PCDHA10: variants seen among roughly 807,000 people sequenced by gnomAD.
PCDHA10 encodes protocadherin alpha 10.
Under a neutral mutation model 61.2 loss-of-function variants are expected in PCDHA10, and 45 were observed. The observed-to-expected ratio is 0.74, with a 90% CI of 0.58 to 0.94. PCDHA10 has a LOEUF of 0.94. PCDHA10 is among the 40% of genes least tolerant of loss of function. PCDHA10 has a pLI of 0.00. For synonymous variants in PCDHA10, 602 were observed against 548.8 expected (o/e 1.10, Z -1.35); for missense variants, 1,278 against 1,236.2 (o/e 1.03, Z -0.51).
At chr5:141,002,948 C>A (rs2098104348) in intron 3 of PCDHA10, among the ~76,000 whole-genome samples, 1 of 152,152 alleles carries the variant, frequency 6.6e-6, no homozygotes, top group African/African-American at 2.4e-5. Flanking sequence ...CAGCACATGC[C>A]CCTCTGAGAG....
chr5:140,927,040 A>T (rs1554203950), intron 1 of PCDHA10: 1 of 1,612,350 alleles, frequency 6.2e-7, no homozygotes, highest in Non-Finnish European at 8.5e-7. Flanking sequence ...AGCGGCCGCT[A>T]TGTCCTCGCG....
chr5:140,886,603 G>A lies in PCDHA10; in HGVS notation c.2388+28167G>A, dbSNP rs781862855. Among the ~76,000 whole-genome samples, 8 of 152,090 alleles carry A rather than the reference G, an allele frequency of 5.3e-5. No individual in the cohort carries two copies. The East Asian group carries it at 1.2e-3, about 22-fold the overall frequency. ...AGCACTTTGGGAGGCCAAGGTGGGCGGATCAGGAGATCAGGAGTCCGAGAC... is the reference window on the plus strand; with the variant it reads ...AGCACTTTGGGAGGCCAAGGTGGGCAGATCAGGAGATCAGGAGTCCGAGAC... On this transcript the variant is annotated intron_variant, in intron 1 of 3. Coordinates refer to ENST00000307360, the MANE Select transcript of PCDHA10 (RefSeq NM_018901.4).
intron 1 of PCDHA10, chr5:140,927,289 A>G: frequency 6.2e-7 from 1 of 1,614,172 alleles, no homozygotes; most frequent in Non-Finnish European, 8.5e-7. Flanking sequence ...GCAGCTGCAC[A>G]TCCCCGAGTT....
chr5:140,896,391 A>G (rs1438393041), intron 1 of PCDHA10, among the ~76,000 whole-genome samples: 2 of 152,040 alleles, frequency 1.3e-5, no homozygotes, highest in Non-Finnish European at 2.9e-5. Context: ...CCTCACCAGC[A>G]TCTGTTATTT....
chr5:140,909,011 T>G (rs998704146), intron 1 of PCDHA10, among the ~76,000 whole-genome samples: 1 of 152,170 alleles, frequency 6.6e-6, no homozygotes, highest in Non-Finnish European at 1.5e-5. Flanking sequence ...AGGTAGAAGG[T>G]TCCTGAATTT....
chr5:140,957,879 G>T (rs2095393633), intron 1 of PCDHA10, among the ~76,000 whole-genome samples: 1 of 151,960 alleles, frequency 6.6e-6, no homozygotes, highest in Non-Finnish European at 1.5e-5. Flanking sequence ...GTGCTGAAAA[G>T]CTGAAGTTGG....
chr5:140,872,164 TC>T (rs1346109895), intron 1 of PCDHA10, among the ~76,000 whole-genome samples: 1 of 151,498 alleles, frequency 6.6e-6, no homozygotes, highest in Non-Finnish European at 1.5e-5. Context: ...GATTTACTTT[TC>T]TTTTTTTTTT....
chr5:141,007,275 T>C (rs1418814264), intron 3 of PCDHA10, among the ~76,000 whole-genome samples: 2 of 151,338 alleles, frequency 1.3e-5, no homozygotes, highest in Non-Finnish European at 2.9e-5. Context: ...ACAGGCTGGG[T>C]GCAGTGGGCT....
intron 1 of PCDHA10, chr5:140,875,523 G>A (rs782796444): frequency 6.2e-7 from 1 of 1,613,992 alleles, no homozygotes; most frequent in South Asian, 1.1e-5. Flanking sequence ...TGCTGCTCTC[G>A]CTTCTGCTCC....
chr5:140,856,897 G>C lies in PCDHA10; in HGVS notation c.849G>C (p.Leu283Phe). Residue 283 changes from leucine to phenylalanine, a missense_variant, in exon 1 of 4, where the codon TTG (leucine) becomes TTC (phenylalanine). Physicochemically the swap from Leu to Phe is conservative, Grantham distance 22. Coordinates refer to ENST00000307360, the MANE Select transcript of PCDHA10 (RefSeq NM_018901.4). The part of the protein sequence containing the change: ...NKEMMYSFSS[L>F]VPPTIRRKFW... ...AAATGATGTATTCATTTAGCTCTTT[G>C]GTCCCACCCACGATAAGAAGGAAAT... The C allele has an allele frequency of 6.3e-7, 1 of 1,596,350 alleles. No homozygotes were observed. Among genetic ancestry groups the C allele is most frequent in the Non-Finnish European group, 8.6e-7 (1 of 1,166,202 alleles).
chr5:140,917,359 A>G (rs2078164580), intron 1 of PCDHA10, among the ~76,000 whole-genome samples: 3 of 142,606 alleles, frequency 2.1e-5, no homozygotes, highest in South Asian at 2.2e-4. Flanking sequence ...CTTCTGTTCC[A>G]CTATCTTGCT....
intron 1 of PCDHA10, among the ~76,000 whole-genome samples, chr5:140,921,909 CATG>C (rs1554200522): frequency 6.6e-6 from 1 of 151,678 alleles, no homozygotes; most frequent in Non-Finnish European, 1.5e-5. Context: ...ATATATATTA[CATG>C]ATAAAACTTA....
chr5:140,970,625 A>C (rs534910839), intron 1 of PCDHA10, among the ~76,000 whole-genome samples: 1 of 152,316 alleles, frequency 6.6e-6, no homozygotes, highest in Non-Finnish European at 1.5e-5. Context: ...CAAAAGCCAA[A>C]ATTTTGTACC....
chr5:140,869,288 G>A lies in PCDHA10; in HGVS notation c.2388+10852G>A, dbSNP rs950790626. 6.2e-6 allele frequency: 10 copies of A among 1,613,460 alleles called. No individual in the cohort carries two copies. The highest frequency in any genetic ancestry group is 1.7e-5 in the Admixed American group (1 of 59,996). On this transcript the variant is annotated intron_variant, in intron 1 of 3. Coordinates refer to ENST00000307360, the MANE Select transcript of PCDHA10 (RefSeq NM_018901.4). ...CTGGAGCTGGCGGAGCTGGTGCAGC[G>A]CCTGTTCCGGGTGGCGTCCAAAACA...
chr5:140,879,612 G>T (rs1554170881), intron 1 of PCDHA10, among the ~76,000 whole-genome samples: 1 of 152,172 alleles, frequency 6.6e-6, no homozygotes, highest in East Asian at 1.9e-4. Context: ...ATGTGTCCAG[G>T]TACTTAGGTG....
intron 1 of PCDHA10, among the ~76,000 whole-genome samples, chr5:140,902,501 A>G (rs1264806549): frequency 1.3e-5 from 2 of 152,020 alleles, no homozygotes; most frequent in Admixed American, 6.6e-5. Context: ...ACTAGCTGTG[A>G]GTCTGTCATA....
intron 3 of PCDHA10, among the ~76,000 whole-genome samples, chr5:140,989,450 T>C (rs1299416259): frequency 6.6e-6 from 1 of 152,208 alleles, no homozygotes; most frequent in Admixed American, 6.5e-5. Context: ...TTGTTTAGAA[T>C]TGTTAGGCTT....
At chr5:140,870,535 G>C (rs1279597936) in intron 1 of PCDHA10, 2 of 1,614,056 alleles carry the variant, frequency 1.2e-6, no homozygotes, top group Non-Finnish European at 8.5e-7. Context: ...CACAGTGTCG[G>C]CGCGGGACGC....
At chr5:140,978,572 A>T (rs1322135580) in intron 1 of PCDHA10, among the ~76,000 whole-genome samples, 2 of 152,234 alleles carry the variant, frequency 1.3e-5, no homozygotes, top group Non-Finnish European at 2.9e-5. Flanking sequence ...GTAATACTGA[A>T]TTGGGAATGT....
Sources: allele counts gnomAD v4.1 joint callset (sites outside exome capture counted in the v4.1 genomes callset), GRCh38; gene constraint gnomAD v4.1.1; transcripts MANE v1.5; gene names NCBI Gene and HGNC (gene_info 2026-07-23, HGNC 2026-07-21).